The following MBTPS1 variants were observed in gnomAD, a reference collection of about 807,000 sequenced individuals.
The protein encoded by MBTPS1 is membrane-bound transcription factor site-1 protease.
Under a neutral mutation model 127.8 loss-of-function variants are expected in MBTPS1, and 94 were observed. The ratio of observed to expected loss-of-function variants is 0.74; its 90% CI spans 0.62 to 0.87. The LOEUF (loss-of-function observed/expected upper bound fraction) is 0.87, where lower values mean the gene tolerates loss of function less well. Ranked by LOEUF, MBTPS1 falls within the 40% of genes least tolerant of loss-of-function variation. MBTPS1 has a pLI of 0.00. For synonymous variants in MBTPS1, 632 were observed against 509.4 expected, an observed-to-expected ratio of 1.24 and a Z score of -3.24; for missense variants, 1,636 against 1,353.2, an observed-to-expected ratio of 1.21 and a Z score of -3.28.
intron 9 of MBTPS1, chr16:84,086,251 G>A (rs1010104657): frequency 3.9e-5 from 6 of 152,190 alleles, no homozygotes; most frequent in Admixed American, 6.5e-5. Context: ...ATCTCATCAC[G>A]GTTTGGTGAA....
At position 84,101,278 on chromosome 16, in the gene MBTPS1, C is replaced by G. The variant is rs890280686; in HGVS notation, c.163+343G>C. 2.0e-5 allele frequency among the ~76,000 whole-genome samples: 3 copies of G among 151,684 alleles called. No homozygotes were observed. The South Asian group carries it at 6.2e-4, about 32-fold the overall frequency. ...TCGTGCCATTGCACTCCAGCCTCAG[C>G]AACAGAGTGAGACTCCATCTCAAAA... is the stretch of plus-strand genomic sequence containing the variant. On this transcript the variant is annotated intron_variant, in intron 2 of 22. Coordinates refer to ENST00000343411, the MANE Select transcript of MBTPS1 (RefSeq NM_003791.4).
At chr16:84,074,418 A>G (rs959130422) in intron 12 of MBTPS1, among the ~76,000 whole-genome samples, 179 bp downstream of exon 12, 3 of 152,144 alleles carry the variant, frequency 2.0e-5, no homozygotes, top group Non-Finnish European at 4.4e-5. Flanking sequence ...TATTATTTGT[A>G]GAGACAGGTC....
rs2086001394 is a variant in MBTPS1 at position 84,085,104 on chromosome 16, G to T, written c.1165C>A (p.Pro389Thr). 2 of 1,614,082 alleles carry T rather than the reference G, an allele frequency of 1.2e-6. No individual in the cohort carries two copies. The highest frequency in any genetic ancestry group is 1.7e-6 in the Non-Finnish European group (2 of 1,180,034). ...ELPGGYGRMK[P>T]DIVTYGAGVR... is the part of the protein sequence containing the mutation. ...CCAGCACCATAGGTGACAATGTCAGGTTTCATGCGACCGTAGCCTCCTGGT... is the reference window on the plus strand; with the variant it reads ...CCAGCACCATAGGTGACAATGTCAGTTTTCATGCGACCGTAGCCTCCTGGT... The change falls in exon 10 of 23, where the codon CCT becomes ACT. Residue 389 changes from proline to threonine, a missense_variant. Transcript: ENST00000343411.
chr16:84,085,064 C>G lies in MBTPS1; in HGVS notation c.1205G>C (p.Gly402Ala). ...VTYGAGVRGSGVKGGCRALSG... is the reference protein window; with the variant it reads ...VTYGAGVRGSAVKGGCRALSG... The stretch of plus-strand genomic sequence containing the variant: ...GAGGGCCCGGCACCCCCCTTTCACG[C>G]CAGAACCCCGCACGCCAGCACCATA... The change falls in exon 10 of 23, where the codon GGC (glycine) becomes GCC (alanine). Residue 402 changes from glycine to alanine, a missense_variant. Physicochemically the swap from Gly to Ala is moderately conservative, Grantham distance 60. Transcript: ENST00000343411. 1 of 1,614,184 alleles carries G rather than the reference C, an allele frequency of 6.2e-7. No individual in the cohort carries two copies. The highest frequency in any genetic ancestry group is 8.5e-7 in the Non-Finnish European group (1 of 1,180,022).
rs768417679 is a variant in MBTPS1 at position 84,087,391 on chromosome 16, G to A, written c.1101C>T (p.Ile367=). 9.9e-6 allele frequency: 16 copies of A among 1,612,016 alleles called. No individual in the cohort carries two copies. Among genetic ancestry groups the A allele is most frequent in the Admixed American group, 5.0e-5 (3 of 59,762 alleles). Residue 367 remains isoleucine, a synonymous_variant, in exon 9 of 23, where the codon ATC becomes ATT. Transcript: ENST00000343411. ...TCATTCCCCTTGAAGAAAAGCGGGC[G>A]ATGTTATCTTCAAAGTCAATGCCGC... is the stretch of plus-strand genomic sequence containing the variant. ...GVGGIDFEDN[I]ARFSSRGMTT...
Position 84,056,108 on chromosome 16 carries a change from G to T in MBTPS1, c.2859C>A (p.Leu953=). ...PSNLWKHQKL[L]SIDLDKVVLP... ...ACACCACCTTGTCCAGGTCAATGGA[G>T]AGTAGCTTCTGATGTTTCCAAAGGT... The change falls in exon 22 of 23, where the codon CTC becomes CTA. Residue 953 remains leucine (L), a synonymous_variant. Coordinates refer to ENST00000343411, the MANE Select transcript of MBTPS1 (RefSeq NM_003791.4). 1.2e-6 allele frequency: 2 copies of T among 1,614,060 alleles called. No individual in the cohort carries two copies. The highest frequency in any genetic ancestry group is 1.7e-6 in the Non-Finnish European group (2 of 1,179,884).
At chr16:84,108,698 G>C (rs1045902647) in intron 1 of MBTPS1, among the ~76,000 whole-genome samples, 2 of 152,228 alleles carry the variant, frequency 1.3e-5, no homozygotes, top group East Asian at 1.9e-4. Flanking sequence ...TTAAGAGTCT[G>C]AGCGGAGTGA....
chr16:84,116,460 A>T (rs1345349592), intron 1 of MBTPS1, among the ~76,000 whole-genome samples: 1 of 152,206 alleles, frequency 6.6e-6, no homozygotes, highest in Non-Finnish European at 1.5e-5. Context: ...GGGCCAGAGC[A>T]GGGCGTATTG....
intron 1 of MBTPS1, among the ~76,000 whole-genome samples, chr16:84,112,974 CAAAAAAAAAAA>C: frequency 3.5e-5 from 2 of 56,906 alleles, no homozygotes; most frequent in East Asian, 1.3e-3. Flanking sequence ...GATGCCATCT[CAAAAAAAAAAA>C]AAAAAAAAAG....
At chr16:84,108,998 G>A (rs1033019905) in intron 1 of MBTPS1, among the ~76,000 whole-genome samples, 1 of 152,228 alleles carries the variant, frequency 6.6e-6, no homozygotes, top group African/African-American at 2.4e-5. Flanking sequence ...AAATCTAAGT[G>A]CACGTGTACG....
At chr16:84,085,564 C>T (rs1288262989) in intron 9 of MBTPS1, among the ~76,000 whole-genome samples, 2 of 117,146 alleles carry the variant, frequency 1.7e-5, no homozygotes, top group African/African-American at 3.2e-5. Flanking sequence ...CCCTCAGCCC[C>T]GCACCCGCCC....
intron 1 of MBTPS1, among the ~76,000 whole-genome samples, chr16:84,103,417 C>G (rs891687574): frequency 1.3e-5 from 2 of 151,970 alleles, no homozygotes; most frequent in Admixed American, 6.6e-5. Flanking sequence ...CATCACCACA[C>G]CCAGCTAATT....
intron 21 of MBTPS1, chr16:84,057,010 T>C (rs2085531795): frequency 6.6e-6 from 1 of 152,252 alleles, no homozygotes; most frequent in Non-Finnish European, 1.5e-5. Flanking sequence ...ATTTATTCAT[T>C]TGGAAACTGT....
At chr16:84,092,493 A>T (rs931139392) in intron 6 of MBTPS1, among the ~76,000 whole-genome samples, 1 of 152,222 alleles carries the variant, frequency 6.6e-6, no homozygotes, top group African/African-American at 2.4e-5. Context: ...CATATACACC[A>T]AAGAAATTCT....
chr16:84,108,021 C>G (rs114966140), intron 1 of MBTPS1, among the ~76,000 whole-genome samples: 176 of 151,842 alleles, frequency 1.2e-3, no homozygotes, highest in African/African-American at 3.8e-3. Flanking sequence ...CTAAAGAGAT[C>G]TTGTCCCCAC....
intron 3 of MBTPS1, among the ~76,000 whole-genome samples, 154 bp downstream of exon 3, chr16:84,098,899 C>A (rs538104593): frequency 6.6e-6 from 1 of 152,130 alleles, no homozygotes; most frequent in South Asian, 2.1e-4. Flanking sequence ...CTAAACAAAA[C>A]TAAACTAAAA....
chr16:84,080,995 G>T (rs938566151), intron 11 of MBTPS1, among the ~76,000 whole-genome samples: 1 of 152,234 alleles, frequency 6.6e-6, no homozygotes, highest in African/African-American at 2.4e-5. Context: ...AGGAAACCAA[G>T]AAGACAGGAC....
chr16:84,091,814 T>C lies in MBTPS1; in HGVS notation c.881A>G (p.Asn294Ser), dbSNP rs769503870. The C allele has an allele frequency of 1.2e-6, 2 of 1,614,050 alleles. No homozygotes were observed. The highest frequency in any genetic ancestry group is 1.7e-5 in the Admixed American group (1 of 60,032). The change falls in exon 7 of 23, where the codon AAC becomes AGC. Residue 294 changes from asparagine (N) to serine (S), a missense_variant. Asn to Ser is a conservative substitution (Grantham distance 46). Transcript: ENST00000343411. ...SYTSWFLDAF[N>S]YAILKKIDVL... ...GTCGATCTTCTTTAAAATGGCATAGTTGAAGGCGTCCAAAAACCAAGATGT... is the reference window on the plus strand; with the variant it reads ...GTCGATCTTCTTTAAAATGGCATAGCTGAAGGCGTCCAAAAACCAAGATGT...
intron 4 of MBTPS1, 123 bp from the exon 5 acceptor site, chr16:84,093,944 G>A: frequency 1.4e-6 from 1 of 727,690 alleles, no homozygotes. Flanking sequence ...GGCCAAAGCT[G>A]CTCAGAGCAA....
Sources: gnomAD v4.1 joint callset for allele counts (sites outside exome capture counted in the v4.1 genomes callset) on GRCh38, gnomAD v4.1.1 for gene constraint, MANE v1.5 for transcripts, NCBI Gene and HGNC (gene_info 2026-07-23, HGNC 2026-07-21) for gene names.